The following CNTN3 variants were observed in gnomAD, a reference collection of about 807,000 sequenced individuals.
CNTN3 encodes the protein contactin-3.
CNTN3 carries 60 observed loss-of-function variants against 119.1 expected under a neutral mutation model. That is an observed-to-expected ratio of 0.50 (90% CI 0.41 to 0.62). The LOEUF is 0.62. CNTN3 is among the 20% of genes least tolerant of loss of function. The pLI is 0.00. For missense variants in CNTN3, 1,101 were observed against 1,242.4 expected, an observed-to-expected ratio of 0.89 and a Z score of 1.71; for synonymous variants, 450 against 438.7, an observed-to-expected ratio of 1.03 and a Z score of -0.32.
In CNTN3 at chr3:74,325,716, T is replaced by C. The variant is rs371306798; in HGVS notation, c.1668+9019A>G. On this transcript the variant is annotated intron_variant, in intron 13 of 22. Coordinates refer to ENST00000263665, the MANE Select transcript of CNTN3 (RefSeq NM_020872.3). ...TTTACAAATACCTCTAAGTAAAGTA[T>C]TATCAACATCTCAATTTTGCAGATG... Among the ~76,000 whole-genome samples, 48 of 152,288 alleles carry C rather than the reference T, an allele frequency of 3.2e-4. 1 individual carries two copies. The highest frequency in any genetic ancestry group is 1.1e-3 in the African/African-American group (45 of 41,572).
At chr3:74,586,942 C>T (rs1704602901) in intron 1 of CNTN3, among the ~76,000 whole-genome samples, 1 of 151,976 alleles carries the variant, frequency 6.6e-6, no homozygotes, top group Non-Finnish European at 1.5e-5. Flanking sequence ...ATCTATCCTG[C>T]CTTGACTTGA....
At chr3:74,287,261 A>G (rs1702133478) in intron 19 of CNTN3, among the ~76,000 whole-genome samples, 2 of 152,172 alleles carry the variant, frequency 1.3e-5, no homozygotes, top group Non-Finnish European at 2.9e-5. Context: ...AAACAGAAAC[A>G]CAGTTGAGAA....
At chr3:74,503,710 G>A (rs1703204425) in intron 2 of CNTN3, among the ~76,000 whole-genome samples, 2 of 152,128 alleles carry the variant, frequency 1.3e-5, no homozygotes, top group South Asian at 2.1e-4. Context: ...ACAGAAGGGG[G>A]CCTTTTGCCT....
chr3:74,288,271 G>A (rs1395377949), intron 19 of CNTN3, among the ~76,000 whole-genome samples: 1 of 148,182 alleles, frequency 6.7e-6, no homozygotes. Flanking sequence ...CAATTCTCCT[G>A]CCTCAACCTT....
At chr3:74,602,422 G>A (rs1270914247) in intron 1 of CNTN3, among the ~76,000 whole-genome samples, 1 of 151,926 alleles carries the variant, frequency 6.6e-6, no homozygotes, top group African/African-American at 2.4e-5. Flanking sequence ...ATTTGGGGAG[G>A]GGGGCTTTTT....
At chr3:74,326,179 T>C (rs1327149439) in intron 13 of CNTN3, among the ~76,000 whole-genome samples, 1 of 152,004 alleles carries the variant, frequency 6.6e-6, no homozygotes, top group Admixed American at 6.6e-5. Flanking sequence ...ATTTAGAGAG[T>C]ATTGTAGGTG....
intron 13 of CNTN3, among the ~76,000 whole-genome samples, chr3:74,315,261 C>A (rs1702801748): frequency 6.6e-6 from 1 of 152,118 alleles, no homozygotes; most frequent in African/African-American, 2.4e-5. Context: ...ATAATCCATC[C>A]CTTGTTTAGC....
At chr3:74,412,469 GAATT>G (rs1156352856) in intron 5 of CNTN3, among the ~76,000 whole-genome samples, 2 of 152,110 alleles carry the variant, frequency 1.3e-5, no homozygotes, top group Non-Finnish European at 2.9e-5. Context: ...GCTTCGTTTG[GAATT>G]ATTTTATGTA....
chr3:74,587,095 G>A (rs1160733046), intron 1 of CNTN3, among the ~76,000 whole-genome samples: 1 of 152,090 alleles, frequency 6.6e-6, no homozygotes, highest in Non-Finnish European at 1.5e-5. Flanking sequence ...TACTTGGTAT[G>A]TATAGGAAAG....
In CNTN3 at chr3:74,371,290, C is replaced by T. The variant is rs572671316; in HGVS notation, c.564G>A (p.Pro188=). Residue 188 remains proline, a synonymous_variant, in exon 6 of 23, where the codon CCG becomes CCA. Coordinates refer to ENST00000263665, the MANE Select transcript of CNTN3 (RefSeq NM_020872.3). ...TGHLYISKVE[P]SDVGNYTCVV... ...CACATGTGTAATTTCCCACATCAGA[C>T]GGCTCCACCTTAGATATGTAGAGGT... 50 of 1,613,426 alleles carry T rather than the reference C, an allele frequency of 3.1e-5. No homozygotes were observed. The highest frequency in any genetic ancestry group is 1.0e-4 in the Admixed American group (6 of 59,900).
chr3:74,373,783 G>A (rs1704401197), intron 5 of CNTN3, among the ~76,000 whole-genome samples: 1 of 152,126 alleles, frequency 6.6e-6, no homozygotes, highest in African/African-American at 2.4e-5. Context: ...TAGAGATACT[G>A]TGGTGGCTTT....
At chr3:74,413,055 T>C (rs192803757) in intron 5 of CNTN3, among the ~76,000 whole-genome samples, 1 of 152,292 alleles carries the variant, frequency 6.6e-6, no homozygotes, top group East Asian at 1.9e-4. Flanking sequence ...TTCTGGCCCA[T>C]TTGGTCAGCA....
intron 6 of CNTN3, 33 bp from the exon 7 acceptor site, chr3:74,370,024 A>G: frequency 8.3e-7 from 1 of 1,208,846 alleles, no homozygotes; most frequent in Non-Finnish European, 1.2e-6. Flanking sequence ...TAATCGTTTC[A>G]ATATTTCCTT....
intron 4 of CNTN3, among the ~76,000 whole-genome samples, chr3:74,464,382 C>T (rs1206778929): frequency 6.6e-6 from 1 of 152,138 alleles, no homozygotes; most frequent in Non-Finnish European, 1.5e-5. Context: ...CTAATATATT[C>T]TGATTTCTTT....
intron 5 of CNTN3, among the ~76,000 whole-genome samples, chr3:74,420,014 T>C (rs1386630147): frequency 1.3e-5 from 2 of 152,218 alleles, no homozygotes; most frequent in African/African-American, 4.8e-5. Flanking sequence ...TGTCCAGTCT[T>C]CTATTTCTGG....
At chr3:74,588,272 T>C (rs1704633816) in intron 1 of CNTN3, among the ~76,000 whole-genome samples, 1 of 152,012 alleles carries the variant, frequency 6.6e-6, no homozygotes, top group East Asian at 1.9e-4. Flanking sequence ...AGGATAAAAA[T>C]CAATGTACAA....
rs921841042 is a variant in CNTN3 at position 74,347,889 on chromosome 3, C to T, written c.1365-11231G>A. ...ATTATTCAGCCTTAAAAAAGAAGAT[C>T]CTGCTATTTGTCACAACATGGATGA... is the stretch of plus-strand genomic sequence containing the variant. On this transcript the variant is annotated intron_variant, in intron 11 of 22. Transcript: ENST00000263665. Among the ~76,000 whole-genome samples the T allele has an allele frequency of 3.9e-5, 6 of 152,232 alleles. No individual in the cohort carries two copies. In the East Asian group the frequency reaches 1.2e-3, roughly 29 times the overall value.
At chr3:74,293,132 T>C (rs1702267966) in intron 19 of CNTN3, among the ~76,000 whole-genome samples, 1 of 152,192 alleles carries the variant, frequency 6.6e-6, no homozygotes, top group Non-Finnish European at 1.5e-5. Context: ...AGATAGTTAC[T>C]AAAAATATAC....
intron 5 of CNTN3, among the ~76,000 whole-genome samples, chr3:74,373,233 A>G (rs1704386024): frequency 6.6e-6 from 1 of 152,208 alleles, no homozygotes; most frequent in African/African-American, 2.4e-5. Context: ...AATAAACCAT[A>G]GAGGAAAATA....
Sources: allele counts gnomAD v4.1 joint callset (sites outside exome capture counted in the v4.1 genomes callset), GRCh38; gene constraint gnomAD v4.1.1; transcripts MANE v1.5; gene names NCBI Gene and HGNC (gene_info 2026-07-23, HGNC 2026-07-21).